The following BAZ1A variants were observed in gnomAD, a reference collection of about 807,000 sequenced individuals.
BAZ1A encodes bromodomain adjacent to zinc finger domain protein 1A.
A neutral mutation model predicts 185.2 loss-of-function variants in BAZ1A; 50 were observed. That is an observed-to-expected ratio of 0.27 (90% CI 0.22 to 0.34). The LOEUF is 0.34. Ranked by LOEUF, BAZ1A falls within the 10% of genes least tolerant of loss-of-function variation. BAZ1A has a pLI of 1.00. For synonymous variants in BAZ1A, 571 were observed against 615.6 expected (o/e 0.93, Z 1.07); for missense variants, 1,356 against 1,839.9 (o/e 0.74, Z 4.81).
intron 10 of BAZ1A, 56 bp downstream of exon 10, chr14:34,795,614 G>A: frequency 8.4e-7 from 1 of 1,192,122 alleles, no homozygotes; most frequent in Non-Finnish European, 1.2e-6. Context: ...CATCAGCAAA[G>A]CCACATAGGA....
rs200839046 is a variant in BAZ1A at position 34,765,800 on chromosome 14, CAT to C, written c.3302-534_3302-533del. ...ACATTTGAAACCTTCTGTCACTTAACATCACCATTCTTTATCTTCTGGGCTAA... is the reference window on the plus strand; with the variant it reads ...ACATTTGAAACCTTCTGTCACTTAACCACCATTCTTTATCTTCTGGGCTAA... On this transcript the variant is annotated intron_variant, in intron 21 of 26. Transcript: ENST00000360310. Among the ~76,000 whole-genome samples the C allele has an allele frequency of 9.3e-4, 142 of 152,292 alleles. 2 individuals carry two copies. Among genetic ancestry groups the C allele is most frequent in the Middle Eastern group, 3.4e-3 (1 of 294 alleles).
At chr14:34,835,444 T>C (rs1376369403) in intron 3 of BAZ1A, among the ~76,000 whole-genome samples, 1 of 152,012 alleles carries the variant, frequency 6.6e-6, no homozygotes, top group South Asian at 2.1e-4. Flanking sequence ...TAAGCCCATA[T>C]ACTTTCTAAT....
In BAZ1A at chr14:34,874,190, C is replaced by T. The variant is rs1196419375; in HGVS notation, c.113+302G>A. On this transcript the variant is annotated intron_variant, in intron 2 of 26. Transcript: ENST00000360310. The surrounding 1 kb of genome is among the most constrained non-coding windows in gnomAD (Gnocchi z 4.7). ...GAGGGGCGAGGCGGGGAGTTTCCGC[C>T]GCCCCGCGGCCAAGAGGGCGGGAGG... is the stretch of plus-strand genomic sequence containing the variant. 6.6e-6 allele frequency among the ~76,000 whole-genome samples: 1 copy of T among 151,976 alleles called. No homozygotes were observed. The highest frequency in any genetic ancestry group is 1.5e-5 in the Non-Finnish European group (1 of 67,922).
intron 21 of BAZ1A, among the ~76,000 whole-genome samples, chr14:34,770,958 A>T (rs939860143): frequency 6.6e-5 from 10 of 151,992 alleles, no homozygotes; most frequent in African/African-American, 2.4e-4. Context: ...AGTTACACAT[A>T]ATCTTTGATT....
rs542523340 is a variant in BAZ1A, at chr14:34,786,603, G to GTTTTTTTTTTTTTTTTTTTTTTTTT, written c.1511-383_1511-382insAAAAAAAAAAAAAAAAAAAAAAAAA. The GTTTTTTTTTTTTTTTTTTTTTTTTT allele has an allele frequency of 1.2e-4, 13 of 106,854 alleles. 6 individuals are homozygous for GTTTTTTTTTTTTTTTTTTTTTTTTT. Among genetic ancestry groups the GTTTTTTTTTTTTTTTTTTTTTTTTT allele is most frequent in the African/African-American group, 7.4e-5 (2 of 26,984 alleles). The allele number at this position is 106,854 out of a possible 1,614,324, so 6.6% of individuals were successfully genotyped here. ...TTAAAGATACTCCAATCTTTTATGT[G>GTTTTTTTTTTTTTTTTTTTTTTTTT]TGTTTTTTTTTTTTTTTTTTTTGAG... On this transcript the variant is annotated intron_variant, in intron 12 of 26. Coordinates refer to ENST00000360310, the MANE Select transcript of BAZ1A (RefSeq NM_013448.3).
rs1366388740 is a variant in BAZ1A, at chr14:34,848,652, G to A, written c.392+13392C>T. Among the ~76,000 whole-genome samples the A allele has an allele frequency of 3.3e-5, 5 of 152,194 alleles. No individual in the cohort carries two copies. In the East Asian group the frequency reaches 9.6e-4, roughly 29 times the overall value. On this transcript the variant is annotated intron_variant, in intron 3 of 26. Transcript: ENST00000360310. ...ACAAGGCAGTTCTAAAAACAATACT[G>A]AACCATAGTCTCATGCTCACTTTGG... is the stretch of plus-strand genomic sequence containing the variant.
At chr14:34,866,445 A>G (rs1035118623) in intron 2 of BAZ1A, among the ~76,000 whole-genome samples, 55 of 140,700 alleles carry the variant, frequency 3.9e-4, no homozygotes, top group African/African-American at 1.4e-3. Context: ...CCAAGATCGC[A>G]CCATTGCACT....
rs2042431573 is a variant in BAZ1A at position 34,842,466 on chromosome 14, C to G, written c.393-16310G>C. 2.0e-5 allele frequency among the ~76,000 whole-genome samples: 3 copies of G among 152,066 alleles called. No individual in the cohort carries two copies. The South Asian group carries it at 6.2e-4, about 31-fold the overall frequency. On this transcript the variant is annotated intron_variant, in intron 3 of 26. Coordinates refer to ENST00000360310, the MANE Select transcript of BAZ1A (RefSeq NM_013448.3). ...TTAAGAATTTAAGCAGCAGGGCAAC[C>G]CATTTATTGAAGCATTTTTCTCTTT...
intron 18 of BAZ1A, among the ~76,000 whole-genome samples, chr14:34,774,934 G>GC (rs1879487821): frequency 6.6e-6 from 1 of 152,174 alleles, no homozygotes; most frequent in African/African-American, 2.4e-5. Context: ...CTCAACATTG[G>GC]CGGGGGGTAG....
chr14:34,873,584 G>T (rs1042986480), intron 2 of BAZ1A, among the ~76,000 whole-genome samples: 1 of 150,326 alleles, frequency 6.7e-6, no homozygotes, highest in Non-Finnish European at 1.5e-5. Context: ...ATAAAGCGGC[G>T]CCTGGCTGAG....
intron 10 of BAZ1A, 136 bp from the exon 11 acceptor site, chr14:34,795,023 C>T: frequency 8.4e-7 from 1 of 1,187,572 alleles, no homozygotes; most frequent in East Asian, 2.6e-5. Context: ...TGCTGTTTAT[C>T]ACAATCACCT....
chr14:34,796,523 A>G (rs1038781304), intron 9 of BAZ1A, among the ~76,000 whole-genome samples: 3 of 152,190 alleles, frequency 2.0e-5, no homozygotes, highest in Non-Finnish European at 2.9e-5. Context: ...ACAATAATTA[A>G]AAGCAACAAT....
chr14:34,810,441 G>GA (rs2041914226), intron 5 of BAZ1A, among the ~76,000 whole-genome samples: 1 of 152,078 alleles, frequency 6.6e-6, no homozygotes. Flanking sequence ...TAATGAATAG[G>GA]AAAAAACTGA....
intron 11 of BAZ1A, among the ~76,000 whole-genome samples, chr14:34,793,596 CA>C (rs765368464): frequency 5.9e-5 from 9 of 152,166 alleles, no homozygotes; most frequent in Non-Finnish European, 1.3e-4. Flanking sequence ...ATCACGAGGT[CA>C]GGAGATTGAG....
chr14:34,867,040 G>A (rs538644195), intron 2 of BAZ1A, among the ~76,000 whole-genome samples: 9 of 151,078 alleles, frequency 6.0e-5, no homozygotes, highest in East Asian at 3.9e-4. Flanking sequence ...CAGGCAGATC[G>A]CGAGGTCAGG....
intron 11 of BAZ1A, among the ~76,000 whole-genome samples, chr14:34,793,715 C>T (rs1490799268): frequency 5.3e-5 from 8 of 152,148 alleles, no homozygotes; most frequent in South Asian, 2.1e-4. Flanking sequence ...GAGGCCGAGG[C>T]GGGCAGATCA....
chr14:34,844,781 ACACACACAC>A (rs1566593155), intron 3 of BAZ1A, among the ~76,000 whole-genome samples: 114 of 8,546 alleles, frequency 0.013, no homozygotes, highest in Non-Finnish European at 0.13. Context: ...ACACGCGCAC[ACACACACAC>A]ACACACACAC....
chr14:34,764,947 A>G lies in BAZ1A; in HGVS notation c.3550-14T>C, dbSNP rs921384535. The G allele has an allele frequency of 5.6e-6, 9 of 1,613,832 alleles. No individual in the cohort carries two copies. Among genetic ancestry groups the G allele is most frequent in the Non-Finnish European group, 7.6e-6 (9 of 1,179,966 alleles). ...TTCAGGCACAGTCTGAAAAAATCAC[A>G]TAAATGATCATTAATCATCTATTGC... is the stretch of plus-strand genomic sequence containing the variant. On this transcript the variant is annotated splice_polypyrimidine_tract_variant and intron_variant, in intron 22 of 26. Coordinates refer to ENST00000360310, the MANE Select transcript of BAZ1A (RefSeq NM_013448.3).
At chr14:34,757,114 C>T (rs1389900501) in intron 25 of BAZ1A, among the ~76,000 whole-genome samples, 1 of 152,170 alleles carries the variant, frequency 6.6e-6, no homozygotes, top group Non-Finnish European at 1.5e-5. Flanking sequence ...CCTGTAATCC[C>T]AGCACTTTGG....
Sources: allele counts gnomAD v4.1 joint callset (sites outside exome capture counted in the v4.1 genomes callset), GRCh38; gene constraint gnomAD v4.1.1; non-coding constraint Gnocchi (gnomAD v3.1); transcripts MANE v1.5; gene names NCBI Gene and HGNC (gene_info 2026-07-23, HGNC 2026-07-21).